Variants in POU4F1 observed in about 807,000 individuals in gnomAD.
The protein encoded by POU4F1 is POU class 4 homeobox 1, also known as POU domain, class 4, transcription factor 1.
In POU4F1, 5 loss-of-function variants were observed where a neutral mutation model predicts 19.8. The ratio of observed to expected loss-of-function variants is 0.25; its 90% confidence interval spans 0.13 to 0.53. The LOEUF (loss-of-function observed/expected upper bound fraction) is 0.53, where lower values mean the gene tolerates loss of function less well. Among genes scored for constraint, POU4F1 ranks in the 20% least tolerant of loss-of-function variants. The probability of loss-of-function intolerance (pLI) is 0.96; values close to 1 mark genes in which losing one functional copy is unlikely to be tolerated. For synonymous variants in POU4F1, 266 were observed against 247.7 expected (o/e 1.07, Z -0.69); for missense variants, 408 against 511.6 (o/e 0.80, Z 1.95).
Position 78,601,160 on chromosome 13 carries a change from T to A in POU4F1, c.*255A>T. On this transcript the variant is annotated 3_prime_UTR_variant, in exon 2 of 2. Coordinates refer to ENST00000377208, the MANE Select transcript of POU4F1 (RefSeq NM_006237.4). ...CGCTTTCCTTCCCCCCACTCCCCACTCCCCCGAATGCTCCCCCCCTTCTCC... is the reference window on the plus strand; with the variant it reads ...CGCTTTCCTTCCCCCCACTCCCCACACCCCCGAATGCTCCCCCCCTTCTCC... 6.0e-5 allele frequency: 1 copy of A among 16,552 alleles called. No individual in the cohort carries two copies. The highest frequency in any genetic ancestry group is 1.2e-4 in the Non-Finnish European group (1 of 8,300). 1.0% of individuals were successfully genotyped at this position (16,552 alleles called of 1,614,324 possible).
intron 1 of POU4F1, among the ~76,000 whole-genome samples, 154 bp from the exon 2 acceptor site, chr13:78,602,705 C>A (rs1184038841): frequency 1.5e-5 from 2 of 136,922 alleles, no homozygotes; most frequent in African/African-American, 5.6e-5. Flanking sequence ...CAGTGGAGAG[C>A]GGGAAAGACG....
In POU4F1 at chr13:78,599,791, C is replaced by T. The variant is rs1874624511; in HGVS notation, c.*1624G>A. On this transcript the variant is annotated 3_prime_UTR_variant, in exon 2 of 2. Coordinates refer to ENST00000377208, the MANE Select transcript of POU4F1 (RefSeq NM_006237.4). ...CGAGAGATCCAAAGAGTATCTTGTACACAAAGCAGGCATTTTACCTAACCA... is the reference window on the plus strand; with the variant it reads ...CGAGAGATCCAAAGAGTATCTTGTATACAAAGCAGGCATTTTACCTAACCA... The T allele has an allele frequency of 6.6e-6, 1 of 152,434 alleles. No homozygotes were observed. The highest frequency in any genetic ancestry group is 1.5e-5 in the Non-Finnish European group (1 of 68,030). The allele number at this position is 152,434 out of a possible 1,614,324, so 9.4% of individuals were successfully genotyped here.
chr13:78,598,683 C>A lies in POU4F1; in HGVS notation c.*2732G>T, dbSNP rs1874584415. 6.6e-6 allele frequency: 1 copy of A among 152,132 alleles called. No homozygotes were observed. Among genetic ancestry groups the A allele is most frequent in the African/African-American group, 2.4e-5 (1 of 41,430 alleles). The allele number at this position is 152,132 out of a possible 1,614,324, so 9.4% of individuals were successfully genotyped here. A position where few individuals can be genotyped will look rare whatever the true frequency, so the allele number is the denominator to read the frequency against. On this transcript the variant is annotated 3_prime_UTR_variant, in exon 2 of 2. Coordinates refer to ENST00000377208, the MANE Select transcript of POU4F1 (RefSeq NM_006237.4). ...GTCCCAAGTCACCAAGAAATAGAGG[C>A]TCTCTAGTCACTGTGGAGCAGTAGG...
intron 1 of POU4F1, 30 bp downstream of exon 1, chr13:78,603,174 G>T: frequency 9.6e-6 from 13 of 1,350,926 alleles, no homozygotes; most frequent in Non-Finnish European, 1.2e-5. Flanking sequence ...GCGGGCGCGC[G>T]GGCCGGGGCC....
chr13:78,601,439 C>T lies in POU4F1; in HGVS notation c.1236G>A (p.Arg412=), dbSNP rs932494701. 2 of 1,613,592 alleles carry T rather than the reference C, an allele frequency of 1.2e-6. No homozygotes were observed. The highest frequency in any genetic ancestry group is 8.5e-7 in the Non-Finnish European group (1 of 1,180,038). Residue 412 remains arginine, a synonymous_variant, in exon 2 of 2, where the codon CGG becomes CGA. Transcript: ENST00000377208. ...WFCNQRQKQK[R]MKFSATY ...CTCAGTAAGTGGCAGAGAATTTCAT[C>T]CGCTTCTGCTTCTGTCTCTGGTTGC...
Position 78,602,337 on chromosome 13 carries a change from G to C in POU4F1, c.338C>G (p.Pro113Arg). Residue 113 changes from proline (P) to arginine (R), a missense_variant, in exon 2 of 2, where the codon CCC (proline) becomes CGC (arginine). Physicochemically the swap from Pro to Arg is moderately radical, Grantham distance 103. Around this residue, in one of 4 missense-constraint regions of POU4F1, gnomAD observed 294 missense variants for 288.2 expected, o/e 1.02. Transcript: ENST00000377208. ...HHHHHHQALE[P>R]GDLLDHISSP... ...GGAGATGTGGTCCAGCAGATCGCCG[G>C]GTTCGAGCGCCTGGTGGTGGTGGTG... 6.9e-7 allele frequency: 1 copy of C among 1,446,850 alleles called. No individual in the cohort carries two copies. The highest frequency in any genetic ancestry group is 1.4e-5 in the South Asian group (1 of 72,894). The allele number at this position is 1,446,850 out of a possible 1,614,324, so 89.6% of individuals were successfully genotyped here.
Position 78,601,045 on chromosome 13 carries a change from C to G in POU4F1, c.*370G>C. On this transcript the variant is annotated 3_prime_UTR_variant, in exon 2 of 2. Transcript: ENST00000377208. ...GGATATTTAGGTAAGTGTCTCTGGT[C>G]AGAAACAGTCCATTTTCCTACCCTT... The G allele has an allele frequency of 3.7e-6, 1 of 273,388 alleles. No homozygotes were observed. The highest frequency in any genetic ancestry group is 5.5e-5 in the South Asian group (1 of 18,036). The allele number at this position is 273,388 out of a possible 1,614,324, so 16.9% of individuals were successfully genotyped here. A position where few individuals can be genotyped will look rare whatever the true frequency, so the allele number is the denominator to read the frequency against.
chr13:78,602,434 T>A lies in POU4F1; in HGVS notation c.241A>T (p.Thr81Ser). The A allele has an allele frequency of 6.3e-7, 1 of 1,594,718 alleles. No homozygotes were observed. The highest frequency in any genetic ancestry group is 8.5e-7 in the Non-Finnish European group (1 of 1,172,112). ...GGCACGCTGTTCATCGTGTGGTACG[T>A]GGCGTCCGGCTTGAAAGGATGGCTC... ...GKSHPFKPDA[T>S]YHTMNSVPCT... The change falls in exon 2 of 2, where the codon ACG becomes TCG. Residue 81 changes from threonine to serine, a missense_variant. Physicochemically the swap from Thr to Ser is moderately conservative, Grantham distance 58. Transcript: ENST00000377208.
rs1874597438 is a variant in POU4F1, at chr13:78,599,068, CT to C, written c.*2346del. Reference sequence around the variant, plus strand: ...TTTTGTCCCCCTTCAACACCCTACCCTCCCCCCATTTCTTTGTGTTTTCTTT... The same window carrying C: ...TTTTGTCCCCCTTCAACACCCTACCCCCCCCCATTTCTTTGTGTTTTCTTT... On this transcript the variant is annotated 3_prime_UTR_variant, in exon 2 of 2. Transcript: ENST00000377208. 1.3e-5 allele frequency: 2 copies of C among 152,346 alleles called. No individual in the cohort carries two copies. The highest frequency in any genetic ancestry group is 4.8e-5 in the African/African-American group (2 of 41,410). The allele number at this position is 152,346 out of a possible 1,614,324, so 9.4% of individuals were successfully genotyped here.
At position 78,603,328 on chromosome 13, in the gene POU4F1, G is replaced by C. The variant is rs777604768; in HGVS notation, c.-2C>G. 6.3e-7 allele frequency: 1 copy of C among 1,576,192 alleles called. No individual in the cohort carries two copies. Among genetic ancestry groups the C allele is most frequent in the Non-Finnish European group, 8.6e-7 (1 of 1,162,150 alleles). ...CTGCTTGCTGTTCATGGACATCATC[G>C]TGGCGGCTTGGCATGTATATCCACA... On this transcript the variant is annotated 5_prime_UTR_variant, in exon 1 of 2. Coordinates refer to ENST00000377208, the MANE Select transcript of POU4F1 (RefSeq NM_006237.4).
In POU4F1 at chr13:78,602,135, G is replaced by A. The variant is rs866440488; in HGVS notation, c.540C>T (p.Gly180=). 1,504 of 168,992 alleles carry A rather than the reference G, an allele frequency of 8.9e-3. 27 individuals are homozygous for A. Among genetic ancestry groups the A allele is most frequent in the African/African-American group, 0.035 (1,395 of 40,234 alleles). The allele number at this position is 168,992 out of a possible 1,614,324, so 10.5% of individuals were successfully genotyped here. The part of the protein sequence containing the change: ...GPGGGGGGPG[G]GLLGGSAHPH... ...GGTGCGCGGAGCCGCCCAGGAGCCC[G>A]CCGCCCGGGCCGCCGCCGCCGCCCC... Residue 180 remains glycine (G), a synonymous_variant, in exon 2 of 2, where the codon GGC becomes GGT. Transcript: ENST00000377208.
Position 78,603,535 on chromosome 13 carries a change from C to G in POU4F1, c.-209G>C. ...GCGCCGCGCGCCGGCCTCGCGGTCC[C>G]GCTTCTCCGACAGCTCTAGCCCCGC... On this transcript the variant is annotated 5_prime_UTR_variant, in exon 1 of 2. Coordinates refer to ENST00000377208, the MANE Select transcript of POU4F1 (RefSeq NM_006237.4). 1.4e-6 allele frequency: 1 copy of G among 695,224 alleles called. No homozygotes were observed. The highest frequency in any genetic ancestry group is 1.9e-6 in the Non-Finnish European group (1 of 529,700). 43.1% of individuals were successfully genotyped at this position (695,224 alleles called of 1,614,324 possible).
At chr13:78,602,595 A>C in intron 1 of POU4F1, 44 bp from the exon 2 acceptor site, 1 of 1,384,326 alleles carries the variant, frequency 7.2e-7, no homozygotes, top group South Asian at 1.6e-5. Context: ...CAAAACCAAA[A>C]GAGCAAAACA....
Position 78,602,186 on chromosome 13 carries a change from G to GC in POU4F1, c.488_489insG (p.Gly164ArgfsTer185). 1.4e-5 allele frequency: 1 copy of GC among 71,702 alleles called. No individual in the cohort carries two copies. The highest frequency in any genetic ancestry group is 1.6e-5 in the Non-Finnish European group (1 of 63,952). The allele number at this position is 71,702 out of a possible 1,614,324, so 4.4% of individuals were successfully genotyped here. On this transcript the variant is annotated frameshift_variant, in exon 2 of 2. Transcript: ENST00000377208. LOFTEE classifies it high-confidence loss of function. ...CCGGGCCGCCACCGCCGCCTCCCCC[G>GC]GGGCCGCCGCCCGGGCCGCCGCCGC... is the stretch of plus-strand genomic sequence containing the variant.
rs1302802518 is a variant in POU4F1 at position 78,600,153 on chromosome 13, A to G, written c.*1262T>C. 1 of 152,204 alleles carries G rather than the reference A, an allele frequency of 6.6e-6. No individual in the cohort carries two copies. The highest frequency in any genetic ancestry group is 1.5e-5 in the Non-Finnish European group (1 of 68,038). The allele number at this position is 152,204 out of a possible 1,614,324, so 9.4% of individuals were successfully genotyped here. A position where few individuals can be genotyped will look rare whatever the true frequency, so the allele number is the denominator to read the frequency against. ...AAAGCAGGAACTTCTCAACATTTCT[A>G]TAATTTCATGTCCTCCAAGAGAGGA... On this transcript the variant is annotated 3_prime_UTR_variant, in exon 2 of 2. Transcript: ENST00000377208.
intron 1 of POU4F1, 33 bp downstream of exon 1, chr13:78,603,171 C>G: frequency 3.7e-6 from 5 of 1,339,664 alleles, no homozygotes; most frequent in Non-Finnish European, 4.8e-6. Context: ...GGGGCGGGCG[C>G]GCGGGCCGGG....
rs200023415 is a variant in POU4F1, at chr13:78,601,676, G to T, written c.999C>A (p.Leu333=). ...IALKPILQAW[L]EEAEGAQREK... is the part of the protein sequence containing the mutation. ...CGCGCTGGGCGCCCTCGGCCTCCTC[G>T]AGCCACGCCTGCAGGATGGGCTTGA... Residue 333 remains leucine (L), a synonymous_variant, in exon 2 of 2, where the codon CTC becomes CTA. Coordinates refer to ENST00000377208, the MANE Select transcript of POU4F1 (RefSeq NM_006237.4). The T allele has an allele frequency of 5.0e-5, 81 of 1,613,860 alleles. No homozygotes were observed. The East Asian group carries it at 1.7e-3, about 34-fold the overall frequency.
intron 1 of POU4F1, 74 bp downstream of exon 1, chr13:78,603,130 C>T (rs1202319982): frequency 4.2e-6 from 5 of 1,187,676 alleles, no homozygotes; most frequent in Non-Finnish European, 5.5e-6. Flanking sequence ...CACACACCAG[C>T]CCCCGACATG....
rs1034121269 is a variant in POU4F1, at chr13:78,600,149, T to C, written c.*1266A>G. ...AAAGAAAGCAGGAACTTCTCAACAT[T>C]TCTATAATTTCATGTCCTCCAAGAG... On this transcript the variant is annotated 3_prime_UTR_variant, in exon 2 of 2. Coordinates refer to ENST00000377208, the MANE Select transcript of POU4F1 (RefSeq NM_006237.4). 1 of 152,092 alleles carries C rather than the reference T, an allele frequency of 6.6e-6. No homozygotes were observed. The highest frequency in any genetic ancestry group is 6.5e-5 in the Admixed American group (1 of 15,270). 9.4% of individuals were successfully genotyped at this position (152,092 alleles called of 1,614,324 possible). A position where few individuals can be genotyped will look rare whatever the true frequency, so the allele number is the denominator to read the frequency against.
Sources: gnomAD v4.1 joint callset for allele counts (sites outside exome capture counted in the v4.1 genomes callset) on GRCh38, gnomAD v4.1.1 for gene constraint, gnomAD v4.1.1 regional missense constraint, MANE v1.5 for transcripts, NCBI Gene and HGNC (gene_info 2026-07-23, HGNC 2026-07-21) for gene names.